DYRK1A: variants seen among roughly 807,000 people sequenced by gnomAD.
The protein encoded by DYRK1A is dual specificity tyrosine-phosphorylation-regulated kinase 1A.
A neutral mutation model predicts 79.7 loss-of-function variants in DYRK1A; 9 were observed. That is an observed-to-expected ratio of 0.11 (90% CI 0.07 to 0.20). DYRK1A has a LOEUF of 0.20. DYRK1A is among the 10% of genes least tolerant of loss of function. The pLI is 1.00. For synonymous variants in DYRK1A, 349 were observed against 329.7 expected, an observed-to-expected ratio of 1.06 and a Z score of -0.63; for missense variants, 622 against 956.0, an observed-to-expected ratio of 0.65 and a Z score of 4.61.
At chr21:37,370,389 A>G (rs1387620730) in intron 1 of DYRK1A, among the ~76,000 whole-genome samples, 1 of 151,900 alleles carries the variant, frequency 6.6e-6, no homozygotes, top group Non-Finnish European at 1.5e-5. Flanking sequence ...TGAGAAGAAA[A>G]TGTGGATAGA....
At chr21:37,466,085 A>T (rs889497201) in intron 2 of DYRK1A, among the ~76,000 whole-genome samples, 1 of 152,238 alleles carries the variant, frequency 6.6e-6, no homozygotes, top group African/African-American at 2.4e-5. Flanking sequence ...GGGTAGTGAT[A>T]ACAGCAGTAA....
At chr21:37,500,214 T>A (rs572267771) in intron 9 of DYRK1A, among the ~76,000 whole-genome samples, 1 of 152,346 alleles carries the variant, frequency 6.6e-6, no homozygotes, top group South Asian at 2.1e-4. Flanking sequence ...TTTTGAATAT[T>A]GTCATGTTTT....
chr21:37,480,589 C>T (rs1227192929), intron 4 of DYRK1A, 49 bp from the exon 5 acceptor site: 4 of 1,430,938 alleles, frequency 2.8e-6, no homozygotes, highest in Admixed American at 4.6e-5. Context: ...AATGCCCTTC[C>T]TCACAGTGAT....
chr21:37,437,858 T>C (rs915502109), intron 2 of DYRK1A, among the ~76,000 whole-genome samples: 7 of 152,238 alleles, frequency 4.6e-5, no homozygotes, highest in African/African-American at 1.7e-4. Context: ...TATTTCTCTT[T>C]ATTTCCTAAC....
intron 2 of DYRK1A, among the ~76,000 whole-genome samples, chr21:37,464,564 C>G (rs566693431): frequency 2.0e-5 from 3 of 152,196 alleles, no homozygotes; most frequent in African/African-American, 2.4e-5. Context: ...TTTTAGATAG[C>G]TTTGAATTAT....
At chr21:37,446,374 TAAAA>T (rs2051271094) in intron 2 of DYRK1A, among the ~76,000 whole-genome samples, 1 of 152,182 alleles carries the variant, frequency 6.6e-6, no homozygotes, top group East Asian at 1.9e-4. Context: ...ATGCAACTCT[TAAAA>T]AAGCTAACAA....
chr21:37,386,575 T>G (rs930085199), intron 1 of DYRK1A, among the ~76,000 whole-genome samples: 2 of 152,206 alleles, frequency 1.3e-5, no homozygotes, highest in Non-Finnish European at 2.9e-5. Context: ...TTTTAGCTGC[T>G]TCTTCAATTT....
rs375130004 is a variant in DYRK1A at position 37,512,315 on chromosome 21, T to C, written c.2049T>C (p.Phe683=). 1.4e-4 allele frequency: 231 copies of C among 1,614,250 alleles called. 1 individual carries two copies. The highest frequency in any genetic ancestry group is 1.8e-4 in the Non-Finnish European group (211 of 1,180,028). ...CAGTGGCTGCTAATACCTTGGACTT[T>C]GGACAGAATGGAGCTATGGACGTTA... is the stretch of plus-strand genomic sequence containing the variant. The part of the protein sequence containing the change: ...NRPVAANTLD[F]GQNGAMDVNL... Residue 683 remains phenylalanine (F), a synonymous_variant, in exon 12 of 12, where the codon TTT becomes TTC. Coordinates refer to ENST00000647188, the MANE Select transcript of DYRK1A (RefSeq NM_001347721.2).
At chr21:37,441,735 C>T (rs1047797196) in intron 2 of DYRK1A, among the ~76,000 whole-genome samples, 1 of 152,056 alleles carries the variant, frequency 6.6e-6, no homozygotes, top group African/African-American at 2.4e-5. Context: ...ATTAACCTTA[C>T]ACTACATTAC....
intron 2 of DYRK1A, among the ~76,000 whole-genome samples, chr21:37,460,400 C>T (rs527734566): frequency 1.9e-4 from 29 of 152,082 alleles, no homozygotes; most frequent in Non-Finnish European, 3.4e-4. Flanking sequence ...GGGAGTCTTG[C>T]GGCGTTCACA....
intron 1 of DYRK1A, among the ~76,000 whole-genome samples, chr21:37,397,162 A>G (rs2049972514): frequency 6.6e-6 from 1 of 152,154 alleles, no homozygotes; most frequent in South Asian, 2.1e-4. Context: ...ACCCAGCCAC[A>G]AGGGAGCCTG....
intron 1 of DYRK1A, among the ~76,000 whole-genome samples, chr21:37,397,560 C>T (rs1222922326): frequency 1.3e-5 from 2 of 152,148 alleles, no homozygotes; most frequent in African/African-American, 4.8e-5. Flanking sequence ...GAGCAGGAAC[C>T]TATAGTTCTC....
At chr21:37,435,703 T>G (rs1221268782) in intron 2 of DYRK1A, among the ~76,000 whole-genome samples, 1 of 152,232 alleles carries the variant, frequency 6.6e-6, no homozygotes, top group Non-Finnish European at 1.5e-5. Context: ...AGTAGCATGC[T>G]TGATTTTTCT....
At chr21:37,479,961 G>C (rs2052576782) in intron 4 of DYRK1A, among the ~76,000 whole-genome samples, 1 of 152,080 alleles carries the variant, frequency 6.6e-6, no homozygotes, top group African/African-American at 2.4e-5. Flanking sequence ...CTCAGCCTGT[G>C]ATTAACCATA....
chr21:37,496,062 CAGG>C, intron 8 of DYRK1A, 53 bp from the exon 9 acceptor site: 4 of 1,529,154 alleles, frequency 2.6e-6, no homozygotes, highest in Non-Finnish European at 3.6e-6. Context: ...ACTTGATGAG[CAGG>C]AGTAGATGTA....
chr21:37,432,876 T>TGAGGCAGGAGAATAGCTTG (rs2050815295), intron 2 of DYRK1A, among the ~76,000 whole-genome samples: 1 of 151,464 alleles, frequency 6.6e-6, no homozygotes, highest in Non-Finnish European at 1.5e-5. Flanking sequence ...CTCAGGAGGC[T>TGAGGCAGGAGAATAGCTTG]GAGGCAGGAG....
intron 1 of DYRK1A, among the ~76,000 whole-genome samples, chr21:37,368,918 A>G (rs534901096): frequency 6.6e-6 from 1 of 152,314 alleles, no homozygotes; most frequent in East Asian, 1.9e-4. Context: ...TGCCGAGGCC[A>G]AAAGGTAAGG....
intron 2 of DYRK1A, 28 bp from the exon 3 acceptor site, chr21:37,472,656 C>T (rs764698320): frequency 5.2e-6 from 8 of 1,530,228 alleles, no homozygotes; most frequent in Non-Finnish European, 7.1e-6. Context: ...ATGAATATTT[C>T]CTTTAAACCT....
chr21:37,432,081 T>G (rs1289918963), intron 2 of DYRK1A, among the ~76,000 whole-genome samples: 3 of 152,198 alleles, frequency 2.0e-5, no homozygotes, highest in African/African-American at 7.2e-5. Context: ...AAATCTTAAG[T>G]CAACTTTTAT....
Sources: allele counts gnomAD v4.1 joint callset (sites outside exome capture counted in the v4.1 genomes callset), GRCh38; gene constraint gnomAD v4.1.1; transcripts MANE v1.5; gene names NCBI Gene and HGNC (gene_info 2026-07-23, HGNC 2026-07-21).